The following HMCN1 variants were observed in gnomAD, a reference collection of about 807,000 sequenced individuals.
HMCN1 encodes hemicentin-1.
Under a neutral mutation model 625.9 loss-of-function variants are expected in HMCN1, and 321 were observed. The ratio of observed to expected loss-of-function variants is 0.51; its 90% CI spans 0.47 to 0.56. The LOEUF is 0.56. Ranked by LOEUF, HMCN1 falls within the 20% of genes least tolerant of loss-of-function variation. The pLI is 0.00. For synonymous variants in HMCN1, 2,425 were observed against 2,417.6 expected, an observed-to-expected ratio of 1.00 and a Z score of -0.09; for missense variants, 6,588 against 6,887.3, an observed-to-expected ratio of 0.96 and a Z score of 1.54.
rs1352930198 is a variant in HMCN1 at position 186,070,614 on chromosome 1, C to T, written c.7996C>T (p.Pro2666Ser). The change falls in exon 52 of 107, where the codon CCA becomes TCA. Residue 2666 changes from proline (P) to serine (S), a missense_variant and splice_region_variant. Physicochemically the swap from Pro to Ser is moderately conservative, Grantham distance 74. Transcript: ENST00000271588. ...TCTTTAATATTTATTTTATGCAGTT[C>T]CACCCATAATCAATAAAGGGGACCT... is the stretch of plus-strand genomic sequence containing the variant. ...IKHYEVKVYI[P>S]PIINKGDLWG... 6.2e-7 allele frequency: 1 copy of T among 1,611,206 alleles called. No homozygotes were observed. Among genetic ancestry groups the T allele is most frequent in the South Asian group, 1.1e-5 (1 of 91,014 alleles).
chr1:185,888,893 C>G (rs1421360456), intron 4 of HMCN1, among the ~76,000 whole-genome samples: 1 of 147,402 alleles, frequency 6.8e-6, no homozygotes, highest in Non-Finnish European at 1.5e-5. Flanking sequence ...TGTAAATTAC[C>G]TTAGGCAGTA....
intron 23 of HMCN1, among the ~76,000 whole-genome samples, chr1:185,994,069 A>G (rs769793543): frequency 7.9e-5 from 12 of 152,118 alleles, no homozygotes; most frequent in Non-Finnish European, 1.8e-4. Flanking sequence ...TAAACTATAT[A>G]AGGTTGTTAG....
chr1:186,053,027 G>A lies in HMCN1; in HGVS notation c.6653G>A (p.Cys2218Tyr). 1 of 1,610,048 alleles carries A rather than the reference G, an allele frequency of 6.2e-7. No individual in the cohort carries two copies. Among genetic ancestry groups the A allele is most frequent in the Non-Finnish European group, 8.5e-7 (1 of 1,176,966 alleles). The change falls in exon 43 of 107, where the codon TGT (cysteine) becomes TAT (tyrosine). Residue 2218 changes from cysteine to tyrosine, a missense_variant. Coordinates refer to ENST00000271588, the MANE Select transcript of HMCN1 (RefSeq NM_031935.3). ...GAAGGGAATCTCATTAGTCTGTTGT[G>A]TGAATCAAGTGGTATTCCACCCCCA... ...VIEGNLISLLCESSGIPPPNL... is the reference protein window; with the variant it reads ...VIEGNLISLLYESSGIPPPNL...
intron 42 of HMCN1, among the ~76,000 whole-genome samples, chr1:186,050,082 A>G (rs968275870): frequency 2.6e-5 from 4 of 151,162 alleles, no homozygotes; most frequent in Non-Finnish European, 4.4e-5. Flanking sequence ...TATCTAGTTC[A>G]TTTATTTAAT....
intron 2 of HMCN1, among the ~76,000 whole-genome samples, chr1:185,851,990 G>A (rs1052084802): frequency 3.9e-5 from 6 of 151,990 alleles, no homozygotes; most frequent in Non-Finnish European, 7.4e-5. Context: ...GTAGGAATAT[G>A]ATTAAAAATA....
At chr1:186,138,539 G>C (rs1036791630) in intron 89 of HMCN1, among the ~76,000 whole-genome samples, 6 of 152,144 alleles carry the variant, frequency 3.9e-5, no homozygotes, top group South Asian at 2.1e-4. Flanking sequence ...CCAAGGATTT[G>C]GACAGTGCTT....
chr1:185,738,307 A>G (rs1653736836), intron 1 of HMCN1, among the ~76,000 whole-genome samples: 1 of 152,180 alleles, frequency 6.6e-6, no homozygotes, highest in Non-Finnish European at 1.5e-5. Flanking sequence ...TCAGTCTCCT[A>G]TACCCCAATC....
At chr1:185,783,295 C>G (rs922425296) in intron 1 of HMCN1, among the ~76,000 whole-genome samples, 8 of 152,152 alleles carry the variant, frequency 5.3e-5, no homozygotes, top group Non-Finnish European at 1.2e-4. Context: ...GTTCAAAGTT[C>G]GTCCTTTAGC....
chr1:185,895,604 A>G (rs1665438146), intron 4 of HMCN1, among the ~76,000 whole-genome samples: 1 of 152,226 alleles, frequency 6.6e-6, no homozygotes, highest in South Asian at 2.1e-4. Flanking sequence ...GTCTGTCACA[A>G]TGTTTCATTT....
chr1:186,182,676 T>G (rs1653008692), intron 105 of HMCN1, among the ~76,000 whole-genome samples: 1 of 152,210 alleles, frequency 6.6e-6, no homozygotes, highest in Non-Finnish European at 1.5e-5. Flanking sequence ...ATGTTGTCCC[T>G]CTTATTAAAC....
In HMCN1 at chr1:185,747,322, CT is replaced by C. The variant is rs376197957; in HGVS notation, c.268+12289del. On this transcript the variant is annotated intron_variant, in intron 1 of 106. Coordinates refer to ENST00000271588, the MANE Select transcript of HMCN1 (RefSeq NM_031935.3). ...AATTTGTATTGTTAAAAACCTGTTA[CT>C]TTTTTTTTTTTTTGAGACAGAGTTT... Among the ~76,000 whole-genome samples, 411 of 143,028 alleles carry C rather than the reference CT, an allele frequency of 2.9e-3. 1 individual carries two copies. Among genetic ancestry groups the C allele is most frequent in the Middle Eastern group, 3.7e-3 (1 of 270 alleles). The allele number at this position is 143,028 out of a possible 152,430, so 93.8% of individuals were successfully genotyped here.
At chr1:185,939,389 C>T (rs1018444673) in intron 11 of HMCN1, among the ~76,000 whole-genome samples, 2 of 152,136 alleles carry the variant, frequency 1.3e-5, no homozygotes, top group African/African-American at 4.8e-5. Context: ...CTCAGAAGTC[C>T]CGCTATGCAA....
At chr1:185,906,447 C>T (rs987390420) in intron 4 of HMCN1, among the ~76,000 whole-genome samples, 1 of 151,780 alleles carries the variant, frequency 6.6e-6, no homozygotes, top group African/African-American at 2.4e-5. Context: ...ATATTCTGTA[C>T]CATTTGAACA....
chr1:186,189,993 C>A lies in HMCN1; in HGVS notation c.*115C>A. ...CAATCTTGGCAGCTTGAAAATGGTG[C>A]TACACTCTGTTTTGTGTGCCTTCCT... On this transcript the variant is annotated 3_prime_UTR_variant, in exon 107 of 107. Coordinates refer to ENST00000271588, the MANE Select transcript of HMCN1 (RefSeq NM_031935.3). 8.3e-7 allele frequency: 1 copy of A among 1,198,130 alleles called. No homozygotes were observed. The highest frequency in any genetic ancestry group is 1.2e-6 in the Non-Finnish European group (1 of 816,228). 74.2% of individuals were successfully genotyped at this position (1,198,130 alleles called of 1,614,324 possible).
chr1:185,958,303 G>C (rs1649764193), intron 11 of HMCN1, among the ~76,000 whole-genome samples: 1 of 152,100 alleles, frequency 6.6e-6, no homozygotes, highest in African/African-American at 2.4e-5. Context: ...ATTTTTAGTA[G>C]AGACGGGTTT....
In HMCN1 at chr1:186,120,136, A is replaced by G. The variant is rs200395622; in HGVS notation, c.12220A>G (p.Asn4074Asp). The G allele has an allele frequency of 6.8e-5, 110 of 1,613,758 alleles. No homozygotes were observed. Among genetic ancestry groups the G allele is most frequent in the Middle Eastern group, 1.6e-4 (1 of 6,072 alleles). Residue 4074 changes from asparagine (N) to aspartate (D), a missense_variant, in exon 80 of 107, where the codon AAT becomes GAT. Transcript: ENST00000271588. ...TACAGCCTTGGGCAAAATCAAGTTA[A>G]ATGTCCAAGGTACCTAAATAATTCA... Reference protein sequence around the residue: ...AGTALGKIKLNVQVPPVISPH... With the variant: ...AGTALGKIKLDVQVPPVISPH...
At chr1:186,113,055 C>T (rs929031786) in intron 72 of HMCN1, 102 bp downstream of exon 72, 3 of 1,372,404 alleles carry the variant, frequency 2.2e-6, no homozygotes, top group South Asian at 2.4e-5. Context: ...AAGCCTTGTG[C>T]TTATCTTACT....
rs1456640984 is a variant in HMCN1 at position 186,113,017 on chromosome 1, T to C, written c.11131+64T>C. ...TGACCAAGGGCATTCAAAGAGATGA[T>C]AGCTTTTTCTTATGAGCATACTAAA... On this transcript the variant is annotated intron_variant, in intron 72 of 106. Coordinates refer to ENST00000271588, the MANE Select transcript of HMCN1 (RefSeq NM_031935.3). 1.3e-5 allele frequency: 20 copies of C among 1,577,838 alleles called. No individual in the cohort carries two copies. The East Asian group carries it at 2.7e-4, about 21-fold the overall frequency.
In HMCN1 at chr1:186,119,256, G is replaced by A. The variant is rs1661278363; in HGVS notation, c.11914G>A (p.Ala3972Thr). ...AGRYTCVARN[A>T]AGSAHRHVTL... is the part of the protein sequence containing the mutation. ...AAGATACACTTGTGTCGCTAGGAAT[G>A]CGGCTGGCTCTGCACATCGACACGT... is the stretch of plus-strand genomic sequence containing the variant. Residue 3972 changes from alanine (A) to threonine (T), a missense_variant, in exon 78 of 107, where the codon GCG (alanine) becomes ACG (threonine). Physicochemically the swap from Ala to Thr is moderately conservative, Grantham distance 58. Around this residue, in one of 3 missense-constraint regions of HMCN1, gnomAD observed 4,628 missense variants for 4,853.1 expected, o/e 0.95. Transcript: ENST00000271588. 1 of 1,613,984 alleles carries A rather than the reference G, an allele frequency of 6.2e-7. No individual in the cohort carries two copies. Among genetic ancestry groups the A allele is most frequent in the African/African-American group, 1.3e-5 (1 of 75,018 alleles).
Sources: allele counts gnomAD v4.1 joint callset (sites outside exome capture counted in the v4.1 genomes callset), GRCh38; gene constraint gnomAD v4.1.1; regional missense constraint gnomAD v4.1.1; transcripts MANE v1.5; gene names NCBI Gene and HGNC (gene_info 2026-07-23, HGNC 2026-07-21).